Variants in CDH26 observed in about 807,000 individuals in gnomAD.
CDH26 encodes cadherin 26.
A neutral mutation model predicts 90.3 loss-of-function variants in CDH26; 83 were observed. The ratio of observed to expected loss-of-function variants is 0.92; its 90% confidence interval spans 0.77 to 1.10. The LOEUF (loss-of-function observed/expected upper bound fraction) is 1.10. CDH26 is among the 50% of genes least tolerant of loss of function. The pLI is 0.00. For missense variants in CDH26, 1,013 were observed against 1,037.6 expected (o/e 0.98, Z 0.33); for synonymous variants, 397 against 396.3 (o/e 1.00, Z -0.02).
intron 11 of CDH26, among the ~76,000 whole-genome samples, chr20:59,994,871 G>T (rs2061572903): frequency 2.6e-5 from 4 of 152,164 alleles, no homozygotes; most frequent in Admixed American, 2.6e-4. Context: ...TGATTGGCTG[G>T]TTCCCAGCCC....
At chr20:60,027,624 A>G (rs1485684638) in intron 7 of CDH26, among the ~76,000 whole-genome samples, 5 of 152,148 alleles carry the variant, frequency 3.3e-5, no homozygotes, top group African/African-American at 1.2e-4. Context: ...TCACCATTCC[A>G]TGAGTTTTGA....
At chr20:60,031,507 A>G (rs1310996342) in intron 8 of CDH26, 7 of 1,037,244 alleles carry the variant, frequency 6.7e-6, no homozygotes, top group Non-Finnish European at 7.1e-6. Flanking sequence ...GTTCAAGTTA[A>G]TCCTTGAGAA....
rs2061563840 is a variant in CDH26 at position 59,994,290 on chromosome 20, C to T, written c.1467C>T (p.Phe489=). 1 of 1,613,864 alleles carries T rather than the reference C, an allele frequency of 6.2e-7. No individual in the cohort carries two copies. Among genetic ancestry groups the T allele is most frequent in the Admixed American group, 1.7e-5 (1 of 59,998 alleles). Residue 489 remains phenylalanine (F), a synonymous_variant, in exon 11 of 18, where the codon TTC becomes TTT. Coordinates refer to ENST00000348616, the MANE Select transcript of CDH26 (RefSeq NM_177980.4). The part of the protein sequence containing the change: ...PQTATGTLML[F]LSDINDNVPT... ...CTGCTACAGGGACCCTAATGCTCTT[C>T]CTGTCTGACATCAATGACAACGTCC...
intron 4 of CDH26, among the ~76,000 whole-genome samples, chr20:59,973,515 A>G (rs992274433): frequency 2.6e-5 from 4 of 152,110 alleles, no homozygotes; most frequent in Admixed American, 6.6e-5. Context: ...CCTAGTACCC[A>G]CTAGTTAGTT....
At position 60,013,304 on chromosome 20, in the gene CDH26, G is replaced by A. The variant is rs970664634; in HGVS notation, c.*574G>A. On this transcript the variant is annotated 3_prime_UTR_variant, in exon 18 of 18. Transcript: ENST00000348616. Reference sequence around the variant, plus strand: ...CTTGAGAAAAATGATTATGCTGAAAGCTTTATAAACAGTATACTCTTTAAA... The same window carrying A: ...CTTGAGAAAAATGATTATGCTGAAAACTTTATAAACAGTATACTCTTTAAA... 2 of 152,228 alleles carry A rather than the reference G, an allele frequency of 1.3e-5. No homozygotes were observed. The highest frequency in any genetic ancestry group is 4.8e-5 in the African/African-American group (2 of 41,428). 9.4% of individuals were successfully genotyped at this position (152,228 alleles called of 1,614,324 possible). A position where few individuals can be genotyped will look rare whatever the true frequency, so the allele number is the denominator to read the frequency against.
intron 1 of CDH26, among the ~76,000 whole-genome samples, chr20:59,965,626 G>C (rs1321975158): frequency 2.6e-5 from 4 of 152,164 alleles, no homozygotes; most frequent in Admixed American, 2.0e-4. Context: ...TTGTGAATTT[G>C]TTTGGTTGGA....
chr20:60,033,381 TG>T (rs1329617245), intron 8 of CDH26: 10 of 1,227,710 alleles, frequency 8.1e-6, no homozygotes, highest in Non-Finnish European at 9.5e-6. Context: ...CATGCATACA[TG>T]CACGTGGCAA....
At chr20:60,026,810 CT>C (rs1458570136) in intron 7 of CDH26, among the ~76,000 whole-genome samples, 1 of 152,176 alleles carries the variant, frequency 6.6e-6, no homozygotes, top group Non-Finnish European at 1.5e-5. Context: ...ATTTATGCTG[CT>C]TTTAAGCAGG....
At chr20:60,000,878 C>T (rs1351152876) in intron 14 of CDH26, among the ~76,000 whole-genome samples, 6 of 152,188 alleles carry the variant, frequency 3.9e-5, no homozygotes, top group Non-Finnish European at 7.4e-5. Context: ...TGTGAAATAG[C>T]GTCAATGAGA....
intron 14 of CDH26, 127 bp from the exon 15 acceptor site, chr20:60,001,216 G>A (rs943190021): frequency 3.7e-5 from 41 of 1,120,634 alleles, no homozygotes; most frequent in Admixed American, 2.5e-4. Context: ...CCCTCTCATC[G>A]TGTTAATTTG....
intron 8 of CDH26, chr20:60,031,480 C>A: frequency 9.5e-7 from 1 of 1,050,316 alleles, no homozygotes; most frequent in Non-Finnish European, 1.2e-6. Context: ...AAAAAAGATT[C>A]AGTTATGAAT....
At chr20:60,005,254 A>G (rs531172659) in intron 16 of CDH26, among the ~76,000 whole-genome samples, 5 of 152,312 alleles carry the variant, frequency 3.3e-5, no homozygotes, top group Non-Finnish European at 7.3e-5. Context: ...CTTCCAGTCA[A>G]CAGTAGACTG....
chr20:59,992,378 A>T lies in CDH26; in HGVS notation c.1284A>T (p.Arg428Ser), dbSNP rs371555887. 1 of 1,613,406 alleles carries T rather than the reference A, an allele frequency of 6.2e-7. No individual in the cohort carries two copies. Among genetic ancestry groups the T allele is most frequent in the Non-Finnish European group, 8.5e-7 (1 of 1,179,820 alleles). Residue 428 changes from arginine to serine, a missense_variant and splice_region_variant, in exon 10 of 18, where the codon AGA (arginine) becomes AGT (serine). By Grantham distance (110) the Arg-to-Ser change is moderately radical. Coordinates refer to ENST00000348616, the MANE Select transcript of CDH26 (RefSeq NM_177980.4). This position sits in a 1 kb window ranked among gnomAD's most constrained non-coding sequence, Gnocchi z 5.0. ...FNAMDPDSQI[R>S]YELVHDPANW... ...TTGCTGTCCGTTTTCCTTCTACAAGATATGAACTGGTTCATGACCCAGCAA... is the reference window on the plus strand; with the variant it reads ...TTGCTGTCCGTTTTCCTTCTACAAGTTATGAACTGGTTCATGACCCAGCAA...
At chr20:59,973,588 C>T (rs2061291146) in intron 4 of CDH26, among the ~76,000 whole-genome samples, 1 of 152,118 alleles carries the variant, frequency 6.6e-6, no homozygotes, top group Non-Finnish European at 1.5e-5. Context: ...CTGTTTCCTT[C>T]TGTGTGTCCA....
At chr20:59,999,694 C>G (rs1188395295) in intron 14 of CDH26, 31 bp downstream of exon 14, 1 of 1,605,444 alleles carries the variant, frequency 6.2e-7, no homozygotes, top group African/African-American at 1.3e-5. Flanking sequence ...TTCTGGATTT[C>G]AGAGAAGTGA....
rs1277208710 is a variant in CDH26 at position 60,030,106 on chromosome 20, T to C, written c.948-1125T>C. 1.3e-5 allele frequency among the ~76,000 whole-genome samples: 2 copies of C among 152,254 alleles called. No homozygotes were observed. The highest frequency in any genetic ancestry group is 4.1e-4 in the South Asian group (2 of 4,830). Reference sequence around the variant, plus strand: ...TGGTTTTATTGAGGTATAACTGATATGTTAATATAAAAAAAGACATATATT... The same window carrying C: ...TGGTTTTATTGAGGTATAACTGATACGTTAATATAAAAAAAGACATATATT... On this transcript the variant is annotated intron_variant, in intron 7 of 8. Coordinates refer to the CDH26 transcript ENST00000370991. The surrounding 1 kb of genome is among the most constrained non-coding windows in gnomAD (Gnocchi z 4.0).
chr20:59,989,429 G>A (rs1301078429), intron 9 of CDH26, among the ~76,000 whole-genome samples: 2 of 151,428 alleles, frequency 1.3e-5, no homozygotes. Context: ...TCGGGAGGCT[G>A]AGGCAGGAGA....
chr20:60,031,214 T>C lies in CDH26; in HGVS notation c.948-17T>C, dbSNP rs542348788. On this transcript the variant is annotated splice_polypyrimidine_tract_variant and intron_variant, in intron 7 of 8. Coordinates refer to the CDH26 transcript ENST00000370991. ...AGGAGAACCTTCTAATGAGCACCTC[T>C]TACCTGCTTTGTGTAGTCTAAAGAG... 4.4e-6 allele frequency: 5 copies of C among 1,144,038 alleles called. No homozygotes were observed. In the South Asian group the frequency reaches 7.5e-5, roughly 17 times the overall value. The allele number at this position is 1,144,038 out of a possible 1,614,324, so 70.9% of individuals were successfully genotyped here. A position where few individuals can be genotyped will look rare whatever the true frequency, so the allele number is the denominator to read the frequency against.
At chr20:60,026,421 AGAGAGG>A (rs1311384408) in intron 7 of CDH26, among the ~76,000 whole-genome samples, 2 of 137,178 alleles carry the variant, frequency 1.5e-5, no homozygotes, top group Admixed American at 1.5e-4. Flanking sequence ...AGAGAGAGAG[AGAGAGG>A]GAGAAGAGGA....
Sources: allele counts gnomAD v4.1 joint callset (sites outside exome capture counted in the v4.1 genomes callset), GRCh38; gene constraint gnomAD v4.1.1; non-coding constraint Gnocchi (gnomAD v3.1); transcripts MANE v1.5; gene names NCBI Gene and HGNC (gene_info 2026-07-23, HGNC 2026-07-21).